Variants in CAMTA1 observed in about 807,000 individuals in gnomAD.
CAMTA1 encodes calmodulin-binding transcription activator 1.
In CAMTA1, 27 loss-of-function variants were observed where a neutral mutation model predicts 170.9. The ratio of observed to expected loss-of-function variants is 0.16; its 90% CI spans 0.12 to 0.22. The LOEUF (loss-of-function observed/expected upper bound fraction) is 0.22. Ranked by LOEUF, CAMTA1 falls within the 10% of genes least tolerant of loss-of-function variation. The pLI is 1.00. For missense variants in CAMTA1, 1,619 were observed against 2,217.2 expected (o/e 0.73, Z 5.42); for synonymous variants, 833 against 891.5 (o/e 0.93, Z 1.17).
At chr1:7,551,712 G>C (rs1199990591) in intron 6 of CAMTA1, among the ~76,000 whole-genome samples, 3 of 152,192 alleles carry the variant, frequency 2.0e-5, no homozygotes, top group South Asian at 2.1e-4. Context: ...GCCTGTCCCT[G>C]GTGTCCAGTA....
intron 6 of CAMTA1, among the ~76,000 whole-genome samples, chr1:7,631,879 G>T (rs183554747): frequency 6.6e-6 from 1 of 152,146 alleles, no homozygotes; most frequent in South Asian, 2.1e-4. Context: ...TGGAACCATC[G>T]TCCCACCTCA....
chr1:7,488,800 AT>A (rs1575579498), intron 6 of CAMTA1, among the ~76,000 whole-genome samples: 1 of 136,830 alleles, frequency 7.3e-6, no homozygotes, highest in Middle Eastern at 3.3e-3. Flanking sequence ...AAATACACAC[AT>A]GTAATACAAA....
At chr1:7,746,524 C>T (rs1209696345) in intron 18 of CAMTA1, among the ~76,000 whole-genome samples, 1 of 152,170 alleles carries the variant, frequency 6.6e-6, no homozygotes, top group African/African-American at 2.4e-5. Context: ...GTTTCAGAAG[C>T]GTAGTCTTCT....
chr1:6,845,933 TCA>T (rs1428123626), intron 3 of CAMTA1, among the ~76,000 whole-genome samples: 1 of 152,172 alleles, frequency 6.6e-6, no homozygotes, highest in Non-Finnish European at 1.5e-5. Context: ...TGGGGAGGCC[TCA>T]CAATCATGGC....
chr1:7,359,072 G>A (rs2085345190), intron 5 of CAMTA1, among the ~76,000 whole-genome samples: 1 of 152,236 alleles, frequency 6.6e-6, no homozygotes, highest in African/African-American at 2.4e-5. Flanking sequence ...AGCCTGGGAT[G>A]GAGCAGGCTC....
rs893133180 is a variant in CAMTA1, at chr1:7,435,026, T to C, written c.439-32804T>C. Among the ~76,000 whole-genome samples the C allele has an allele frequency of 1.3e-5, 2 of 151,946 alleles. No individual in the cohort carries two copies. Among genetic ancestry groups the C allele is most frequent in the East Asian group, 3.9e-4 (2 of 5,192 alleles). On this transcript the variant is annotated intron_variant, in intron 5 of 22. Transcript: ENST00000303635. This position sits in a 1 kb window ranked among gnomAD's most constrained non-coding sequence, Gnocchi z 4.4. Reference sequence around the variant, plus strand: ...GAGATCCCACCACTGCACTCCAGCCTGGGTGACAGCAAAACCCTGTCTCAA... The same window carrying C: ...GAGATCCCACCACTGCACTCCAGCCCGGGTGACAGCAAAACCCTGTCTCAA...
At chr1:7,184,241 G>A (rs1477120110) in intron 4 of CAMTA1, among the ~76,000 whole-genome samples, 3 of 152,172 alleles carry the variant, frequency 2.0e-5, no homozygotes, top group East Asian at 1.9e-4. Flanking sequence ...GGGTAGTAGG[G>A]GCAGTGGGGA....
chr1:7,080,691 T>G (rs1235488917), intron 3 of CAMTA1, among the ~76,000 whole-genome samples: 1 of 152,152 alleles, frequency 6.6e-6, no homozygotes, highest in Admixed American at 6.5e-5. Flanking sequence ...ACCACCACCA[T>G]GCCAGGCTAA....
chr1:7,317,263 C>T (rs979107966), intron 5 of CAMTA1, among the ~76,000 whole-genome samples: 11 of 152,200 alleles, frequency 7.2e-5, no homozygotes, highest in Admixed American at 3.9e-4. Flanking sequence ...TCTGATCTTC[C>T]CCATCACTTA....
chr1:7,627,086 G>C (rs146078689), intron 6 of CAMTA1, among the ~76,000 whole-genome samples: 3 of 152,080 alleles, frequency 2.0e-5, no homozygotes, highest in African/African-American at 7.2e-5. Flanking sequence ...ATGTGGATGG[G>C]GTGTCTGTCT....
chr1:7,007,109 A>C lies in CAMTA1; in HGVS notation c.235-84195A>C, dbSNP rs560203484. On this transcript the variant is annotated intron_variant, in intron 3 of 22. Transcript: ENST00000303635. This position sits in a 1 kb window ranked among gnomAD's most constrained non-coding sequence, Gnocchi z 4.5. ...TGTCCTGGTAGTCAGGGCCAAGGGGATGGATGATGGCTCGTGGTTGTTTGG... is the reference window on the plus strand; with the variant it reads ...TGTCCTGGTAGTCAGGGCCAAGGGGCTGGATGATGGCTCGTGGTTGTTTGG... Among the ~76,000 whole-genome samples the C allele has an allele frequency of 2.6e-5, 4 of 151,734 alleles. No homozygotes were observed. Among genetic ancestry groups the C allele is most frequent in the Non-Finnish European group, 5.9e-5 (4 of 67,984 alleles).
At chr1:7,441,100 C>T (rs2092518120) in intron 5 of CAMTA1, 1 of 152,170 alleles carries the variant, frequency 6.6e-6, no homozygotes, top group Non-Finnish European at 1.5e-5. Context: ...TCTGTGAGCT[C>T]CTGAGCTTCT....
At chr1:6,871,339 A>G (rs1233469072) in intron 3 of CAMTA1, among the ~76,000 whole-genome samples, 1 of 152,232 alleles carries the variant, frequency 6.6e-6, no homozygotes, top group East Asian at 1.9e-4. Context: ...AAATGTTCCA[A>G]TAATGGAAAT....
At chr1:7,410,937 A>ATG (rs1403503436) in intron 5 of CAMTA1, among the ~76,000 whole-genome samples, 2 of 148,114 alleles carry the variant, frequency 1.4e-5, no homozygotes, top group African/African-American at 5.0e-5. Context: ...GTCTGTGTGT[A>ATG]TGTGTGTATA....
chr1:7,103,843 TGTACAC>T (rs1643173925), intron 4 of CAMTA1, among the ~76,000 whole-genome samples: 2 of 27,968 alleles, frequency 7.2e-5, no homozygotes, highest in African/African-American at 3.3e-4. Flanking sequence ...ACTACACACA[TGTACAC>T]ACAACACACA....
At chr1:7,103,529 C>CAGAT (rs1643043331) in intron 4 of CAMTA1, among the ~76,000 whole-genome samples, 4 of 141,322 alleles carry the variant, frequency 2.8e-5, no homozygotes, top group South Asian at 2.2e-4. Flanking sequence ...ACACACAACA[C>CAGAT]ACAACTACAC....
chr1:6,823,976 T>G (rs949051825), intron 2 of CAMTA1, among the ~76,000 whole-genome samples: 9 of 152,144 alleles, frequency 5.9e-5, no homozygotes, highest in African/African-American at 1.9e-4. Flanking sequence ...ACTGAAACTA[T>G]TAAGTAACTT....
intron 7 of CAMTA1, among the ~76,000 whole-genome samples, chr1:7,648,741 C>G (rs567086481): frequency 6.6e-6 from 1 of 152,354 alleles, no homozygotes; most frequent in Admixed American, 6.5e-5. Context: ...CAATGGTTCC[C>G]CCTCAGAACC....
chr1:6,987,976 TC>T (rs1695641793), intron 3 of CAMTA1, among the ~76,000 whole-genome samples: 1 of 152,188 alleles, frequency 6.6e-6, no homozygotes, highest in Non-Finnish European at 1.5e-5. Flanking sequence ...TCTGCTTGAC[TC>T]CAGCACCAGA....
Sources: allele counts gnomAD v4.1 joint callset (sites outside exome capture counted in the v4.1 genomes callset), GRCh38; gene constraint gnomAD v4.1.1; non-coding constraint Gnocchi (gnomAD v3.1); transcripts MANE v1.5; gene names NCBI Gene and HGNC (gene_info 2026-07-23, HGNC 2026-07-21).